The following NUBP2 variants were observed in gnomAD, a reference collection of about 807,000 sequenced individuals.
The protein encoded by NUBP2 is NUBP iron-sulfur cluster assembly factor 2, cytosolic, also known as cytosolic Fe-S cluster assembly factor NUBP2.
NUBP2 carries 23 observed loss-of-function variants against 24.9 expected under a neutral mutation model. That is an observed-to-expected ratio of 0.92 (90% confidence interval 0.66 to 1.31). The LOEUF (loss-of-function observed/expected upper bound fraction) is 1.31, where lower values mean the gene tolerates loss of function less well. Among genes scored for constraint, NUBP2 ranks in the 50% most tolerant of loss-of-function variants. The probability of loss-of-function intolerance (pLI) is 0.00; values close to 1 mark genes in which losing one functional copy is unlikely to be tolerated. For synonymous variants in NUBP2, 186 were observed against 170.9 expected, an observed-to-expected ratio of 1.09 and a Z score of -0.69; for missense variants, 403 against 386.5, an observed-to-expected ratio of 1.04 and a Z score of -0.36.
intron 1 of NUBP2, chr16:1,785,768 C>T: frequency 7.8e-7 from 1 of 1,289,086 alleles, no homozygotes; most frequent in Non-Finnish European, 1.0e-6. Context: ...TTGAACGTGC[C>T]CTTGAGAGGC....
At chr16:1,785,508 A>C in intron 1 of NUBP2, 1 of 1,195,758 alleles carries the variant, frequency 8.4e-7, no homozygotes, top group African/African-American at 1.6e-5. Context: ...CGGCAGCTAC[A>C]GAAGTGCATG....
At chr16:1,783,471 C>A (rs1027384508) in intron 1 of NUBP2, 2 of 994,396 alleles carry the variant, frequency 2.0e-6, no homozygotes, top group Non-Finnish European at 2.4e-6. Context: ...CTTTTAAGTT[C>A]TTTGTGGAAG....
chr16:1,782,995 A>C lies in NUBP2; in HGVS notation c.-26A>C. ...CGGCCCGCGGGCGTAAGCGGACTGC[A>C]GCCGCGAGCTCCTGGAGGCGGCGGG... On this transcript the variant is annotated 5_prime_UTR_variant, in exon 1 of 7. Coordinates refer to ENST00000262302, the MANE Select transcript of NUBP2 (RefSeq NM_012225.4). 1 of 1,400,318 alleles carries C rather than the reference A, an allele frequency of 7.1e-7. No homozygotes were observed. The highest frequency in any genetic ancestry group is 9.3e-7 in the Non-Finnish European group (1 of 1,073,640). The allele number at this position is 1,400,318 out of a possible 1,614,324, so 86.7% of individuals were successfully genotyped here. A position where few individuals can be genotyped will look rare whatever the true frequency, so the allele number is the denominator to read the frequency against.
At position 1,787,970 on chromosome 16, in the gene NUBP2, G is replaced by T; in HGVS notation, c.519G>T (p.Glu173Asp). ...TGTCCGTGGGGGACGTGAGGCGCGA[G>T]CTGACCTTCTGTAGGAAGACGGGCT... ...QAVSVGDVRR[E>D]LTFCRKTGLR... Residue 173 changes from glutamate (E) to aspartate (D), a missense_variant, in exon 5 of 7, where the codon GAG (glutamate) becomes GAT (aspartate). Glu to Asp is a conservative substitution (Grantham distance 45, BLOSUM62 2). Transcript: ENST00000262302. The T allele has an allele frequency of 6.2e-7, 1 of 1,605,190 alleles. No homozygotes were observed. The highest frequency in any genetic ancestry group is 8.5e-7 in the Non-Finnish European group (1 of 1,177,458).
chr16:1,787,644 GCCCT>G lies in NUBP2; in HGVS notation c.335-32_335-29del, dbSNP rs1428348476. The G allele has an allele frequency of 4.4e-6, 7 of 1,608,186 alleles. No homozygotes were observed. The South Asian group carries it at 7.7e-5, about 18-fold the overall frequency. On this transcript the variant is annotated intron_variant, in intron 3 of 6. Transcript: ENST00000262302. ...AGGGCCACGTGTGCAGACCTGCCCT[GCCCT>G]GACCGCCCCGTCTGCCCCGTCTTTG...
intron 1 of NUBP2, chr16:1,785,596 G>T (rs1166791492): frequency 1.6e-6 from 2 of 1,278,606 alleles, no homozygotes; most frequent in Admixed American, 2.4e-5. Context: ...TATTGCCCCA[G>T]GGGTGACCGG....
At position 1,789,002 on chromosome 16, in the gene NUBP2, CCACA is replaced by C. The variant is rs2142007750; in HGVS notation, c.*291_*294del. On this transcript the variant is annotated 3_prime_UTR_variant, in exon 7 of 7. Coordinates refer to ENST00000262302, the MANE Select transcript of NUBP2 (RefSeq NM_012225.4). ...ACCTGTGCCCCTGGCAGCCGCGTGT[CCACA>C]CAGTTAGCGGAGCGCGGGACTTCTG... The C allele has an allele frequency of 2.3e-5, 10 of 433,270 alleles. No individual in the cohort carries two copies. The South Asian group carries it at 3.4e-4, about 15-fold the overall frequency. The allele number at this position is 433,270 out of a possible 1,614,324, so 26.8% of individuals were successfully genotyped here. A position where few individuals can be genotyped will look rare whatever the true frequency, so the allele number is the denominator to read the frequency against.
intron 1 of NUBP2, chr16:1,785,927 G>C (rs1168589928): frequency 7.8e-7 from 1 of 1,278,824 alleles, no homozygotes; most frequent in African/African-American, 1.5e-5. Context: ...GTTTTGCCAA[G>C]GTATCTGCAC....
chr16:1,787,866 TG>T, intron 4 of NUBP2, 35 bp downstream of exon 4: 1 of 1,602,174 alleles, frequency 6.2e-7, no homozygotes, highest in South Asian at 1.1e-5. Context: ...TCCCTGTGGG[TG>T]GCTTCCCAGA....
Position 1,782,979 on chromosome 16 carries a change from G to A in NUBP2, c.-42G>A. On this transcript the variant is annotated 5_prime_UTR_variant, in exon 1 of 7. Coordinates refer to ENST00000262302, the MANE Select transcript of NUBP2 (RefSeq NM_012225.4). ...CTAGCTGGGAGGCTGACGGCCCGCG[G>A]GCGTAAGCGGACTGCAGCCGCGAGC... is the stretch of plus-strand genomic sequence containing the variant. 2 of 1,404,894 alleles carry A rather than the reference G, an allele frequency of 1.4e-6. No individual in the cohort carries two copies. Among genetic ancestry groups the A allele is most frequent in the Non-Finnish European group, 1.9e-6 (2 of 1,078,300 alleles). The allele number at this position is 1,404,894 out of a possible 1,614,324, so 87.0% of individuals were successfully genotyped here.
chr16:1,785,788 G>A (rs1248845799), intron 1 of NUBP2: 1 of 1,289,132 alleles, frequency 7.8e-7, no homozygotes, highest in Non-Finnish European at 1.0e-6. Context: ...CGGATCAGAA[G>A]GGGGCAGGTT....
At position 1,788,849 on chromosome 16, in the gene NUBP2, C is replaced by G; in HGVS notation, c.*135C>G. Reference sequence around the variant, plus strand: ...GCAGCGTCAGCCGGAGAGCTTCTCCCCGACCAGCCCAGCCCCAGGATGTGT... The same window carrying G: ...GCAGCGTCAGCCGGAGAGCTTCTCCGCGACCAGCCCAGCCCCAGGATGTGT... On this transcript the variant is annotated 3_prime_UTR_variant, in exon 7 of 7. Transcript: ENST00000262302. 8.8e-7 allele frequency: 1 copy of G among 1,141,384 alleles called. No individual in the cohort carries two copies. Among genetic ancestry groups the G allele is most frequent in the Non-Finnish European group, 1.2e-6 (1 of 837,056 alleles). The allele number at this position is 1,141,384 out of a possible 1,614,324, so 70.7% of individuals were successfully genotyped here.
rs1191904277 is a variant in NUBP2 at position 1,788,658 on chromosome 16, G to A, written c.760G>A (p.Ala254Thr). Residue 254 changes from alanine (A) to threonine (T), a missense_variant, in exon 7 of 7, where the codon GCA becomes ACA. By Grantham distance (58) the Ala-to-Thr change is moderately conservative. Coordinates refer to ENST00000262302, the MANE Select transcript of NUBP2 (RefSeq NM_012225.4). ...QEFPGSPAFA[A>T]LTSIAQKILD... ...GTTCCCTGGGAGCCCCGCCTTCGCT[G>A]CACTCACCTCCATAGCCCAGAAGAT... 4 of 1,612,148 alleles carry A rather than the reference G, an allele frequency of 2.5e-6. No individual in the cohort carries two copies. Among genetic ancestry groups the A allele is most frequent in the East Asian group, 2.2e-5 (1 of 44,876 alleles).
At chr16:1,783,103 C>T in intron 1 of NUBP2, 67 bp downstream of exon 1, 1 of 1,222,826 alleles carries the variant, frequency 8.2e-7, no homozygotes, top group South Asian at 3.9e-5. Flanking sequence ...CGTCCCTTCC[C>T]GGGGCGGCCT....
chr16:1,788,168 G>A lies in NUBP2; in HGVS notation c.631G>A (p.Gly211Arg), dbSNP rs773854014. 33 of 1,534,750 alleles carry A rather than the reference G, an allele frequency of 2.2e-5. No individual in the cohort carries two copies. Among genetic ancestry groups the A allele is most frequent in the Middle Eastern group, 1.7e-4 (1 of 5,762 alleles). Residue 211 changes from glycine to arginine, a missense_variant, in exon 6 of 7, where the codon GGA becomes AGA. Physicochemically the swap from Gly to Arg is moderately radical, Grantham distance 125. Transcript: ENST00000262302. ...ECTSVFSRGG[G>R]EELAQLAGVP... The stretch of plus-strand genomic sequence containing the variant: ...CACCAGCGTCTTCTCCAGGGGCGGC[G>A]GAGAGGAGCTGGCCCAGCTCGCCGG...
In NUBP2 at chr16:1,788,205, T is replaced by C. The variant is rs1417820269; in HGVS notation, c.668T>C (p.Leu223Ser). 6.7e-7 allele frequency: 1 copy of C among 1,484,924 alleles called. No individual in the cohort carries two copies. The highest frequency in any genetic ancestry group is 1.4e-5 in the African/African-American group (1 of 70,446). The allele number at this position is 1,484,924 out of a possible 1,614,324, so 92.0% of individuals were successfully genotyped here. The part of the protein sequence containing the change: ...ELAQLAGVPF[L>S]GSVPLDPALM... ...GCCCAGCTCGCCGGGGTGCCCTTCT[T>C]AGGTGAGTGTCCCAAGCTGGTGCTG... The change falls in exon 6 of 7, where the codon TTA becomes TCA. Residue 223 changes from leucine to serine, a missense_variant and splice_region_variant. Leu to Ser is a moderately radical substitution (Grantham distance 145, BLOSUM62 -2). Transcript: ENST00000262302.
At chr16:1,785,512 G>A (rs1461670243) in intron 1 of NUBP2, 3 of 1,197,242 alleles carry the variant, frequency 2.5e-6, no homozygotes, top group Non-Finnish European at 3.2e-6. Context: ...AGCTACAGAA[G>A]TGCATGCTCC....
intron 6 of NUBP2, 85 bp downstream of exon 6, chr16:1,788,292 C>T: frequency 7.6e-7 from 1 of 1,307,680 alleles, no homozygotes; most frequent in Non-Finnish European, 1.0e-6. Context: ...CCCCCAGTGC[C>T]CAAGGGAGAG....
chr16:1,788,266 G>C, intron 6 of NUBP2, 59 bp downstream of exon 6: 1 of 1,411,124 alleles, frequency 7.1e-7, no homozygotes, highest in East Asian at 2.6e-5. Context: ...TGCCCTGGGC[G>C]GGTTTGACCT....
Sources: gnomAD v4.1 joint callset for allele counts on GRCh38, gnomAD v4.1.1 for gene constraint, MANE v1.5 for transcripts, NCBI Gene and HGNC (gene_info 2026-07-23, HGNC 2026-07-21) for gene names.